MGST1: variants seen among roughly 807,000 people sequenced by gnomAD.
MGST1 encodes glutathione S-transferase 12.
A neutral mutation model predicts 8.9 loss-of-function variants in MGST1; 5 were observed. The ratio of observed to expected loss-of-function variants is 0.56; its 90% CI spans 0.29 to 1.19. MGST1 has a LOEUF of 1.19. MGST1 is among the 50% of genes most tolerant of loss of function. The pLI, the probability that MGST1 is intolerant of heterozygous loss-of-function variation, is 0.08. For synonymous variants in MGST1, 54 were observed against 67.8 expected, an observed-to-expected ratio of 0.80 and a Z score of 1.00; for missense variants, 182 against 187.4, an observed-to-expected ratio of 0.97 and a Z score of 0.17.
chr12:16,506,588 A>T (rs995372516), intron 4 of MGST1, among the ~76,000 whole-genome samples: 1 of 152,204 alleles, frequency 6.6e-6, no homozygotes, highest in Non-Finnish European at 1.5e-5. Flanking sequence ...AGCTGAGGTC[A>T]TCATACTACA....
chr12:16,353,993 C>G (rs1456560738), intron 1 of MGST1, among the ~76,000 whole-genome samples: 1 of 152,096 alleles, frequency 6.6e-6, no homozygotes, highest in African/African-American at 2.4e-5. Context: ...CTCCCGATCT[C>G]AAGTGATCCA....
At chr12:16,529,992 A>G (rs1188266968) in intron 4 of MGST1, among the ~76,000 whole-genome samples, 7 of 152,118 alleles carry the variant, frequency 4.6e-5, no homozygotes, top group African/African-American at 1.2e-4. Context: ...TAGCAAAAAC[A>G]CTCAAAGCAT....
At chr12:16,558,242 T>C (rs1266883426) in intron 4 of MGST1, among the ~76,000 whole-genome samples, 2 of 152,096 alleles carry the variant, frequency 1.3e-5, no homozygotes, top group Non-Finnish European at 2.9e-5. Context: ...TGGCTATATA[T>C]CAAAATATTA....
chr12:16,591,740 A>C (rs969680366), downstream of MGST1, among the ~76,000 whole-genome samples: 2 of 152,110 alleles, frequency 1.3e-5, no homozygotes, highest in African/African-American at 4.8e-5. The surrounding 1 kb of genome is among the most constrained non-coding windows in gnomAD (Gnocchi z 4.1). Context: ...AAATAGCATG[A>C]AAGTTACAAG....
At chr12:16,518,559 C>T (rs1320798506) in intron 4 of MGST1, among the ~76,000 whole-genome samples, 1 of 152,142 alleles carries the variant, frequency 6.6e-6, no homozygotes. Context: ...ACAGCAGGAC[C>T]TTGCCTGTTA....
chr12:16,498,087 A>G lies in MGST1; in HGVS notation n.483-91441A>G, dbSNP rs137973845. On this transcript the variant is annotated intron_variant and non_coding_transcript_variant, in intron 4 of 4. Coordinates refer to the MGST1 transcript ENST00000538857. ...TGGGTGAATTTTTTCATCTTCCATC[A>G]TAACATATCATTGTGAAGGATTCCA... Among the ~76,000 whole-genome samples the G allele has an allele frequency of 1.4e-4, 21 of 152,310 alleles. No homozygotes were observed. The East Asian group carries it at 4.1e-3, about 29-fold the overall frequency.
intron 4 of MGST1, among the ~76,000 whole-genome samples, chr12:16,445,712 C>T (rs970743186): frequency 5.3e-5 from 8 of 151,900 alleles, no homozygotes; most frequent in Admixed American, 2.0e-4. Flanking sequence ...GTTACAGTCA[C>T]GTGGCAGCTA....
At chr12:16,364,956 T>A (rs1043241794), downstream of MGST1, among the ~76,000 whole-genome samples, 1 of 152,160 alleles carries the variant, frequency 6.6e-6, no homozygotes, top group Non-Finnish European at 1.5e-5. The surrounding 1 kb of genome is among the most constrained non-coding windows in gnomAD (Gnocchi z 5.7). Flanking sequence ...ATTTGTTTTA[T>A]CTATGATTTT....
At position 16,362,460 on chromosome 12, in the gene MGST1, A is replaced by T. The variant is rs1179075295; in HGVS notation, c.222-1335A>T. 1 of 152,156 alleles carries T rather than the reference A, an allele frequency of 6.6e-6. No individual in the cohort carries two copies. The highest frequency in any genetic ancestry group is 1.5e-5 in the Non-Finnish European group (1 of 68,030). The allele number at this position is 152,156 out of a possible 1,614,324, so 9.4% of individuals were successfully genotyped here. On this transcript the variant is annotated intron_variant, in intron 3 of 3. Coordinates refer to ENST00000396210, the MANE Select transcript of MGST1 (RefSeq NM_020300.5). The surrounding 1 kb of genome is among the most constrained non-coding windows in gnomAD (Gnocchi z 4.4). ...AGGAAAGGAGAGGAGGAGAGTGACG[A>T]TCGTTGAGCAGGCAATATGTAATAA...
At position 16,537,269 on chromosome 12, in the gene MGST1, G is replaced by A. The variant is rs1470831672; in HGVS notation, n.483-52259G>A. 6.6e-6 allele frequency among the ~76,000 whole-genome samples: 1 copy of A among 152,214 alleles called. No homozygotes were observed. Among genetic ancestry groups the A allele is most frequent in the Non-Finnish European group, 1.5e-5 (1 of 68,028 alleles). On this transcript the variant is annotated intron_variant and non_coding_transcript_variant, in intron 4 of 4. Transcript: ENST00000538857. This position sits in a 1 kb window ranked among gnomAD's most constrained non-coding sequence, Gnocchi z 4.6. ...ACTCCATGTCTCACATCCAGGTCAT[G>A]CTGATGCAAGAGGTAGGTTCCCATA...
chr12:16,394,560 T>C (rs1350836032), intron 1 of MGST1, among the ~76,000 whole-genome samples: 2 of 88,154 alleles, frequency 2.3e-5, no homozygotes, highest in African/African-American at 3.6e-5. Context: ...CTTTCTTTCT[T>C]TCTTTCTTTC....
chr12:16,530,132 A>G (rs535617622), intron 4 of MGST1, among the ~76,000 whole-genome samples: 35 of 152,228 alleles, frequency 2.3e-4, no homozygotes, highest in African/African-American at 7.2e-4. Flanking sequence ...ACTGAATATG[A>G]TTTTAGTGGC....
intron 4 of MGST1, chr12:16,514,366 T>C (rs565362470): frequency 3.4e-5 from 10 of 298,066 alleles, no homozygotes; most frequent in African/African-American, 2.0e-4. Context: ...GCTTCTACCA[T>C]TCTGAATGCT....
intron 4 of MGST1, among the ~76,000 whole-genome samples, chr12:16,564,296 G>GGT (rs1379828881): frequency 5.9e-5 from 9 of 152,108 alleles, no homozygotes; most frequent in African/African-American, 2.2e-4. Flanking sequence ...TTTGTGTATG[G>GGT]GTGGCATTGC....
intron 4 of MGST1, among the ~76,000 whole-genome samples, chr12:16,451,542 A>T (rs775607706): frequency 2.6e-5 from 4 of 151,886 alleles, no homozygotes; most frequent in Non-Finnish European, 5.9e-5. Flanking sequence ...GAAAGATTTT[A>T]TAGAAAAACT....
chr12:16,463,536 C>T (rs1046751895), intron 4 of MGST1, among the ~76,000 whole-genome samples: 2 of 151,690 alleles, frequency 1.3e-5, no homozygotes, highest in Admixed American at 1.3e-4. Flanking sequence ...CCATGGCACA[C>T]GTTCACCTCT....
At chr12:16,557,136 A>T (rs570071358) in intron 4 of MGST1, among the ~76,000 whole-genome samples, 3 of 152,228 alleles carry the variant, frequency 2.0e-5, no homozygotes, top group African/African-American at 7.2e-5. Context: ...ACAACCTACA[A>T]TTACTTTGCA....
At chr12:16,366,662 CACAT>C (rs753013121), downstream of MGST1, among the ~76,000 whole-genome samples, 1,621 of 31,594 alleles carry the variant, frequency 0.051, 37 homozygotes, top group African/African-American at 0.2. This position sits in a 1 kb window ranked among gnomAD's most constrained non-coding sequence, Gnocchi z 4.0. Flanking sequence ...CACACACACA[CACAT>C]ACACACACAC....
intron 1 of MGST1, among the ~76,000 whole-genome samples, chr12:16,409,201 T>A (rs1940720409): frequency 6.6e-6 from 1 of 152,144 alleles, no homozygotes; most frequent in Non-Finnish European, 1.5e-5. Flanking sequence ...TGTCAACTAC[T>A]TATTTTCCTG....
Sources: allele counts gnomAD v4.1 joint callset (sites outside exome capture counted in the v4.1 genomes callset), GRCh38; gene constraint gnomAD v4.1.1; non-coding constraint Gnocchi (gnomAD v3.1); transcripts MANE v1.5; gene names NCBI Gene and HGNC (gene_info 2026-07-23, HGNC 2026-07-21).